CNTN5: variants seen among roughly 807,000 people sequenced by gnomAD.
CNTN5 encodes contactin 5.
CNTN5 carries 77 observed loss-of-function variants against 129.1 expected under a neutral mutation model. The observed-to-expected ratio is 0.60, with a 90% CI of 0.50 to 0.72. The LOEUF is 0.72. Among genes scored for constraint, CNTN5 ranks in the 30% least tolerant of loss-of-function variants. The pLI, the probability that CNTN5 is intolerant of heterozygous loss-of-function variation, is 0.00. For missense variants in CNTN5, 1,478 were observed against 1,328.8 expected (o/e 1.11, Z -1.75); for synonymous variants, 509 against 465.6 (o/e 1.09, Z -1.20).
At chr11:99,190,955 T>C (rs1193924908) in intron 1 of CNTN5, among the ~76,000 whole-genome samples, 2 of 151,768 alleles carry the variant, frequency 1.3e-5, no homozygotes, top group Non-Finnish European at 3.0e-5. Context: ...CTTTTCACTG[T>C]TCAGAAGGAT....
intron 1 of CNTN5, among the ~76,000 whole-genome samples, chr11:99,142,852 T>C (rs903947927): frequency 1.3e-5 from 2 of 152,090 alleles, no homozygotes; most frequent in Non-Finnish European, 2.9e-5. Flanking sequence ...CAGCTTCGAT[T>C]TCTGAGGCAC....
intron 13 of CNTN5, among the ~76,000 whole-genome samples, chr11:100,124,736 A>G (rs892753758): frequency 3.3e-5 from 5 of 152,028 alleles, no homozygotes; most frequent in Admixed American, 3.3e-4. Context: ...AAAGGGAACA[A>G]AAGAGAGTGG....
intron 21 of CNTN5, among the ~76,000 whole-genome samples, chr11:100,310,817 CTCTGAAGTACT>C (rs1951455763): frequency 1.3e-5 from 2 of 151,816 alleles, no homozygotes; most frequent in South Asian, 4.1e-4. Context: ...AGCCCAGGAG[CTCTGAAGTACT>C]AGCGTGCTGG....
intron 13 of CNTN5, among the ~76,000 whole-genome samples, chr11:100,184,858 CA>C (rs1470037815): frequency 1.3e-5 from 2 of 152,088 alleles, no homozygotes; most frequent in Non-Finnish European, 2.9e-5. Flanking sequence ...ACCTAAATCT[CA>C]TCTACATTGT....
rs146373690 is a variant in CNTN5 at position 99,850,137 on chromosome 11, A to G, written c.577+4875A>G. Among the ~76,000 whole-genome samples the G allele has an allele frequency of 1.1e-3, 170 of 152,202 alleles. 1 individual carries two copies. The highest frequency in any genetic ancestry group is 4.0e-3 in the African/African-American group (167 of 41,560). On this transcript the variant is annotated intron_variant, in intron 6 of 24. Transcript: ENST00000524871. ...TTACAGAAGTTTAACAGTTTAGGAG[A>G]CATTGAGTTTCTTTCCAGATCTGGA...
At chr11:99,308,391 T>G (rs911498658) in intron 1 of CNTN5, among the ~76,000 whole-genome samples, 2 of 152,198 alleles carry the variant, frequency 1.3e-5, no homozygotes, top group Non-Finnish European at 2.9e-5. Flanking sequence ...CTAACTTTGC[T>G]ATGGATGTAG....
intron 13 of CNTN5, among the ~76,000 whole-genome samples, chr11:100,147,971 AAATT>A (rs1370468642): frequency 2.6e-5 from 4 of 152,158 alleles, no homozygotes; most frequent in East Asian, 1.9e-4. Flanking sequence ...AAAATATTTT[AAATT>A]AATTCTCTGT....
At chr11:99,356,133 T>A (rs1938645905) in intron 2 of CNTN5, among the ~76,000 whole-genome samples, 1 of 152,098 alleles carries the variant, frequency 6.6e-6, no homozygotes, top group African/African-American at 2.4e-5. Flanking sequence ...GCCTCTGTCA[T>A]GTTTTATATA....
At chr11:99,379,792 C>T (rs1940417017) in intron 2 of CNTN5, among the ~76,000 whole-genome samples, 1 of 152,114 alleles carries the variant, frequency 6.6e-6, no homozygotes, top group African/African-American at 2.4e-5. Flanking sequence ...TCTTGCAAAG[C>T]TGCTTAAAAG....
At chr11:99,028,217 G>T (rs997521975) in intron 1 of CNTN5, among the ~76,000 whole-genome samples, 1 of 151,734 alleles carries the variant, frequency 6.6e-6, no homozygotes, top group Non-Finnish European at 1.5e-5. Context: ...GACTGTGTTT[G>T]TTTGTTTCTC....
At chr11:99,193,045 C>T (rs1048303522) in intron 1 of CNTN5, among the ~76,000 whole-genome samples, 1 of 152,064 alleles carries the variant, frequency 6.6e-6, no homozygotes. Context: ...CTAAGTAGAG[C>T]TTCTTGTTTC....
At chr11:100,118,506 CTA>C (rs1398155560) in intron 13 of CNTN5, among the ~76,000 whole-genome samples, 2 of 151,908 alleles carry the variant, frequency 1.3e-5, no homozygotes, top group Non-Finnish European at 2.9e-5. Context: ...TGCTCACAAA[CTA>C]TTCAATAACA....
At chr11:99,847,071 G>T (rs1947722826) in intron 6 of CNTN5, among the ~76,000 whole-genome samples, 1 of 152,112 alleles carries the variant, frequency 6.6e-6, no homozygotes, top group Non-Finnish European at 1.5e-5. Context: ...AGAATATCAA[G>T]AAAATATGCT....
chr11:100,299,636 A>G (rs1399822798), intron 20 of CNTN5, among the ~76,000 whole-genome samples: 1 of 151,488 alleles, frequency 6.6e-6, no homozygotes, highest in Non-Finnish European at 1.5e-5. Context: ...GCAAACATAT[A>G]TCCATGAAAA....
At chr11:99,510,486 A>G (rs1946794317) in intron 2 of CNTN5, among the ~76,000 whole-genome samples, 1 of 152,222 alleles carries the variant, frequency 6.6e-6, no homozygotes. Flanking sequence ...TAATGGATGC[A>G]ACATAGCAGT....
chr11:100,187,311 A>G (rs1948327458), intron 13 of CNTN5, among the ~76,000 whole-genome samples: 1 of 152,108 alleles, frequency 6.6e-6, no homozygotes, highest in South Asian at 2.1e-4. Flanking sequence ...TTCTAGGTAT[A>G]GAATCAGATT....
At position 99,171,963 on chromosome 11, in the gene CNTN5, G is replaced by A. The variant is rs1252619496; in HGVS notation, c.-210+150693G>A. ...AGGGACTCAAATTGATGTTCATGTG[G>A]CCAAGTACTAATGAAATTCCTCAAA... On this transcript the variant is annotated intron_variant, in intron 1 of 24. Transcript: ENST00000524871. 2.0e-5 allele frequency among the ~76,000 whole-genome samples: 3 copies of A among 152,110 alleles called. 1 individual carries two copies. Among genetic ancestry groups the A allele is most frequent in the Admixed American group, 2.0e-4 (3 of 15,274 alleles).
chr11:99,697,660 AT>A (rs1954331927), intron 3 of CNTN5, among the ~76,000 whole-genome samples: 1 of 151,748 alleles, frequency 6.6e-6, no homozygotes, highest in African/African-American at 2.4e-5. Flanking sequence ...GGAAATCTGA[AT>A]AAAGTATGAA....
intron 3 of CNTN5, among the ~76,000 whole-genome samples, chr11:99,799,040 T>G (rs900032499): frequency 1.6e-4 from 25 of 152,062 alleles, no homozygotes; most frequent in African/African-American, 5.6e-4. Context: ...TAGATGAGAT[T>G]ATGTTCTTGT....
Sources: allele counts gnomAD v4.1 joint callset (sites outside exome capture counted in the v4.1 genomes callset), GRCh38; gene constraint gnomAD v4.1.1; transcripts MANE v1.5; gene names NCBI Gene and HGNC (gene_info 2026-07-23, HGNC 2026-07-21).